UNC80: variants seen among roughly 807,000 people sequenced by gnomAD.
UNC80 encodes protein unc-80 homolog.
A neutral mutation model predicts 384.6 loss-of-function variants in UNC80; 164 were observed. The observed-to-expected ratio is 0.43, with a 90% confidence interval of 0.38 to 0.49. The LOEUF is 0.49. Among genes scored for constraint, UNC80 ranks in the 20% least tolerant of loss-of-function variants. The pLI is 0.00. For synonymous variants in UNC80, 1,486 were observed against 1,527.8 expected (o/e 0.97, Z 0.64); for missense variants, 3,330 against 4,143.0 (o/e 0.80, Z 5.39).
At position 209,888,204 on chromosome 2, in the gene UNC80, C is replaced by A. The variant is rs2086006824; in HGVS notation, c.4220C>A (p.Ser1407Tyr). ...VLDENEDSKD[S>Y]LHSSSHTLKS... is the part of the protein sequence containing the mutation. ...GACGAAAATGAAGACTCAAAAGATT[C>A]TCTCCACAGCAGCAGCCACACTCTC... Residue 1407 changes from serine to tyrosine, a missense_variant, in exon 26 of 65, where the codon TCT becomes TAT. Around this residue, in one of 8 missense-constraint regions of UNC80, gnomAD observed 801 missense variants for 950.8 expected, o/e 0.84. Transcript: ENST00000673920. 1 of 1,551,648 alleles carries A rather than the reference C, an allele frequency of 6.4e-7. No individual in the cohort carries two copies. The highest frequency in any genetic ancestry group is 8.7e-7 in the Non-Finnish European group (1 of 1,146,982).
chr2:209,914,038 T>C (rs1367018600), intron 31 of UNC80, 98 bp downstream of exon 31: 1 of 1,392,424 alleles, frequency 7.2e-7, no homozygotes, highest in Non-Finnish European at 9.6e-7. Context: ...TTTTTGCTCC[T>C]AGGTCAAGTT....
chr2:209,827,687 C>T (rs2080643373), intron 14 of UNC80, among the ~76,000 whole-genome samples: 1 of 152,166 alleles, frequency 6.6e-6, no homozygotes, highest in Non-Finnish European at 1.5e-5. Context: ...TGAGAAATAT[C>T]CAGTTCCAGA....
chr2:209,805,029 C>T lies in UNC80; in HGVS notation c.939-8551C>T, dbSNP rs369693441. Among the ~76,000 whole-genome samples, 130 of 152,216 alleles carry T rather than the reference C, an allele frequency of 8.5e-4. 1 individual carries two copies. Among genetic ancestry groups the T allele is most frequent in the African/African-American group, 3.0e-3 (125 of 41,538 alleles). ...ATTTCTTAATTTTAGCATTATTTCCCATCTGGAGAAGCTGAGATTTTTCAA... is the reference window on the plus strand; with the variant it reads ...ATTTCTTAATTTTAGCATTATTTCCTATCTGGAGAAGCTGAGATTTTTCAA... On this transcript the variant is annotated intron_variant, in intron 7 of 64. Transcript: ENST00000673920.
intron 48 of UNC80, among the ~76,000 whole-genome samples, chr2:209,955,665 A>G (rs1051905051): frequency 1.5e-5 from 2 of 133,048 alleles, no homozygotes; most frequent in Non-Finnish European, 3.1e-5. Context: ...AAAGCAGTCA[A>G]TTGTTCCCAA....
intron 29 of UNC80, among the ~76,000 whole-genome samples, chr2:209,906,754 T>G (rs1274373950): frequency 1.3e-5 from 2 of 152,180 alleles, no homozygotes; most frequent in African/African-American, 4.8e-5. Context: ...TGTGTGTGCA[T>G]ACATGTATAT....
At position 209,866,181 on chromosome 2, in the gene UNC80, TCTTTC is replaced by T. The variant is rs1280017407; in HGVS notation, c.3628-6573_3628-6569del. On this transcript the variant is annotated intron_variant, in intron 22 of 64. Transcript: ENST00000673920. ...ATTGTGTCGTTCACATTTTCTTTAA[TCTTTC>T]CTTCTGTAAATTGAAAATATATAAG... 2.6e-5 allele frequency among the ~76,000 whole-genome samples: 4 copies of T among 152,208 alleles called. No individual in the cohort carries two copies. In the East Asian group the frequency reaches 7.7e-4, roughly 29 times the overall value.
intron 53 of UNC80, chr2:209,970,149 C>G (rs943791070): frequency 9.3e-6 from 4 of 428,178 alleles, no homozygotes; most frequent in African/African-American, 2.0e-5. Flanking sequence ...CTTCAAGTTG[C>G]GCTGAGAGTT....
chr2:209,977,199 C>T, intron 58 of UNC80, 121 bp downstream of exon 58: 1 of 1,037,884 alleles, frequency 9.6e-7, no homozygotes, highest in Non-Finnish European at 1.3e-6. Flanking sequence ...CATTTTGGTA[C>T]ACTGTTAGAT....
At position 209,872,608 on chromosome 2, in the gene UNC80, A is replaced by G. The variant is rs2084395410; in HGVS notation, c.3628-150A>G. 12 of 736,902 alleles carry G rather than the reference A, an allele frequency of 1.6e-5. No homozygotes were observed. Among genetic ancestry groups the G allele is most frequent in the South Asian group, 3.6e-5 (2 of 54,982 alleles). The allele number at this position is 736,902 out of a possible 1,614,324, so 45.6% of individuals were successfully genotyped here. The stretch of plus-strand genomic sequence containing the variant: ...CAGATTTCTCACTACTGTGTTGGCC[A>G]TACTGACACCACCCTGGGAAATATG... On this transcript the variant is annotated intron_variant, in intron 22 of 64. Coordinates refer to ENST00000673920, the MANE Select transcript of UNC80 (RefSeq NM_001371986.1). The surrounding 1 kb of genome is among the most constrained non-coding windows in gnomAD (Gnocchi z 4.1).
intron 35 of UNC80, among the ~76,000 whole-genome samples, chr2:209,924,605 C>A (rs1326106925): frequency 2.0e-5 from 3 of 152,002 alleles, no homozygotes; most frequent in African/African-American, 4.8e-5. Flanking sequence ...ATGTGCACAA[C>A]CTTGTACATA....
At position 209,856,761 on chromosome 2, in the gene UNC80, CTTAT is replaced by C. The variant is rs140456629; in HGVS notation, c.3627+7169_3627+7172del. Among the ~76,000 whole-genome samples, 507 of 149,776 alleles carry C rather than the reference CTTAT, an allele frequency of 3.4e-3. 4 individuals are homozygous for C. Among genetic ancestry groups the C allele is most frequent in the South Asian group, 0.018 (85 of 4,712 alleles). Reference sequence around the variant, plus strand: ...TTCTGGGTTTTGGTTTTTTTGTTTACTTATTTATTTATTTATTTATTTATTTATT... The same window carrying C: ...TTCTGGGTTTTGGTTTTTTTGTTTACTTATTTATTTATTTATTTATTTATT... On this transcript the variant is annotated intron_variant, in intron 22 of 64. Coordinates refer to ENST00000673920, the MANE Select transcript of UNC80 (RefSeq NM_001371986.1).
chr2:209,976,817 C>G lies in UNC80; in HGVS notation c.8773-96C>G, dbSNP rs1382022839. ...GTTCTAGGAACATCACATGCATTAC[C>G]TTATTTATTCCTCACAACAATGAAA... On this transcript the variant is annotated intron_variant, in intron 57 of 64. Coordinates refer to ENST00000673920, the MANE Select transcript of UNC80 (RefSeq NM_001371986.1). The surrounding 1 kb of genome is among the most constrained non-coding windows in gnomAD (Gnocchi z 4.3). The G allele has an allele frequency of 3.0e-6, 4 of 1,336,662 alleles. No individual in the cohort carries two copies. Among genetic ancestry groups the G allele is most frequent in the East Asian group, 5.1e-5 (2 of 39,266 alleles). 82.8% of individuals were successfully genotyped at this position (1,336,662 alleles called of 1,614,324 possible).
At chr2:209,901,522 G>T (rs2087400770) in intron 28 of UNC80, among the ~76,000 whole-genome samples, 1 of 152,170 alleles carries the variant, frequency 6.6e-6, no homozygotes, top group African/African-American at 2.4e-5. Flanking sequence ...CAAGAGCTCT[G>T]ATGGAAGTGT....
At chr2:209,888,589 G>GT (rs1378166376) in intron 26 of UNC80, among the ~76,000 whole-genome samples, 10 of 151,324 alleles carry the variant, frequency 6.6e-5, no homozygotes, top group Middle Eastern at 3.4e-3. Context: ...TCTTTTATTG[G>GT]TTTTTTTTGT....
chr2:209,896,345 A>G lies in UNC80; in HGVS notation c.4513A>G (p.Ile1505Val), dbSNP rs2086794623. The change falls in exon 28 of 65, where the codon ATT becomes GTT. Residue 1505 changes from isoleucine to valine, a missense_variant. Coordinates refer to ENST00000673920, the MANE Select transcript of UNC80 (RefSeq NM_001371986.1). ...TCCTTGGAGTGCAAGCGAGCCCAGC[A>G]TTGAGCCAGAGGGAATGAGTAATGC... The part of the protein sequence containing the change: ...GSPWSASEPS[I>V]EPEGMSNAGA... 19 of 1,551,736 alleles carry G rather than the reference A, an allele frequency of 1.2e-5. No homozygotes were observed. Among genetic ancestry groups the G allele is most frequent in the Non-Finnish European group, 1.7e-5 (19 of 1,146,966 alleles).
intron 23 of UNC80, among the ~76,000 whole-genome samples, chr2:209,876,796 A>T (rs2124889103): frequency 6.6e-6 from 1 of 152,264 alleles, no homozygotes; most frequent in Non-Finnish European, 1.5e-5. Context: ...CACATACTGC[A>T]TTCTCCTTGG....
intron 40 of UNC80, among the ~76,000 whole-genome samples, chr2:209,936,480 T>G (rs1477548633): frequency 6.6e-6 from 1 of 152,206 alleles, no homozygotes; most frequent in Non-Finnish European, 1.5e-5. Flanking sequence ...GTGCCACTGT[T>G]CCTCCACAGT....
rs2125023017 is a variant in UNC80 at position 209,982,208 on chromosome 2, A to G, written c.9148A>G (p.Ser3050Gly). ...CTCTATAAGCATGCCCAGCGTGGTA[A>G]GTGAACAAGAAGCTTACCTCCTGAG... ...NDSISMPSVVSEQEAYLLSAI... is the reference protein window; with the variant it reads ...NDSISMPSVVGEQEAYLLSAI... Residue 3050 changes from serine (S) to glycine (G), a missense_variant, in exon 60 of 65, where the codon AGT (serine) becomes GGT (glycine). Around this residue, in one of 8 missense-constraint regions of UNC80, gnomAD observed 216 missense variants for 245.3 expected, o/e 0.88. Coordinates refer to ENST00000673920, the MANE Select transcript of UNC80 (RefSeq NM_001371986.1). 1 of 1,551,648 alleles carries G rather than the reference A, an allele frequency of 6.4e-7. No homozygotes were observed. Among genetic ancestry groups the G allele is most frequent in the Non-Finnish European group, 8.7e-7 (1 of 1,146,958 alleles).
At chr2:209,786,710 G>A (rs954466305) in intron 5 of UNC80, among the ~76,000 whole-genome samples, 3 of 152,054 alleles carry the variant, frequency 2.0e-5, no homozygotes, top group Non-Finnish European at 4.4e-5. Context: ...ATTGAAAAGT[G>A]CATAGCAGGC....
Sources: allele counts gnomAD v4.1 joint callset (sites outside exome capture counted in the v4.1 genomes callset), GRCh38; gene constraint gnomAD v4.1.1; regional missense constraint gnomAD v4.1.1; non-coding constraint Gnocchi (gnomAD v3.1); transcripts MANE v1.5; gene names NCBI Gene and HGNC (gene_info 2026-07-23, HGNC 2026-07-21).